The following WDR17 variants were observed in gnomAD, a reference collection of about 807,000 sequenced individuals.
The protein encoded by WDR17 is WD repeat domain 17.
A neutral mutation model predicts 161.7 loss-of-function variants in WDR17; 143 were observed. That is an observed-to-expected ratio of 0.88 (90% CI 0.77 to 1.02). The LOEUF (loss-of-function observed/expected upper bound fraction) is 1.02, where lower values mean the gene tolerates loss of function less well. Among genes scored for constraint, WDR17 ranks in the 50% least tolerant of loss-of-function variants. The pLI, the probability that WDR17 is intolerant of heterozygous loss-of-function variation, is 0.00. For missense variants in WDR17, 1,469 were observed against 1,520.9 expected (o/e 0.97, Z 0.57); for synonymous variants, 517 against 515.6 (o/e 1.00, Z -0.04).
intron 1 of WDR17, among the ~76,000 whole-genome samples, chr4:176,078,828 TC>T (rs1267584157): frequency 3.9e-5 from 6 of 152,060 alleles, no homozygotes; most frequent in Admixed American, 1.3e-4. Context: ...AGTAATCAAA[TC>T]AGGATAGTAT....
intron 22 of WDR17, chr4:176,166,261 T>G (rs1289546491): frequency 3.0e-6 from 1 of 330,602 alleles, no homozygotes; most frequent in Admixed American, 5.3e-5. Flanking sequence ...TCACATTATT[T>G]TATGGTATGC....
At chr4:176,151,197 C>T (rs1466750659) in intron 16 of WDR17, among the ~76,000 whole-genome samples, 1 of 152,184 alleles carries the variant, frequency 6.6e-6, no homozygotes, top group Non-Finnish European at 1.5e-5. Context: ...AACTAAACAC[C>T]TAATGACTGT....
intron 1 of WDR17, among the ~76,000 whole-genome samples, chr4:176,087,722 T>A (rs1735594322): frequency 6.6e-6 from 1 of 152,208 alleles, no homozygotes; most frequent in African/African-American, 2.4e-5. Flanking sequence ...TTATTTATGT[T>A]CCACTGAACT....
At chr4:176,073,919 G>T (rs1421110660) in intron 1 of WDR17, among the ~76,000 whole-genome samples, 13 of 150,420 alleles carry the variant, frequency 8.6e-5, no homozygotes, top group Admixed American at 4.6e-4. Flanking sequence ...AGAAATGTCT[G>T]TTCATATCCT....
At chr4:176,116,032 A>G (rs937454266) in intron 3 of WDR17, 53 bp downstream of exon 3, 1 of 1,495,706 alleles carries the variant, frequency 6.7e-7, no homozygotes, top group Middle Eastern at 2.3e-4. Flanking sequence ...TTATTTCAAC[A>G]AGCACTATCA....
intron 13 of WDR17, among the ~76,000 whole-genome samples, chr4:176,148,549 G>C (rs985159481): frequency 9.2e-5 from 14 of 152,172 alleles, no homozygotes; most frequent in African/African-American, 3.4e-4. Flanking sequence ...ACTATTGTTA[G>C]CACTGTGTTG....
intron 23 of WDR17, 24 bp from the exon 24 acceptor site, chr4:176,172,351 G>T (rs1470799420): frequency 1.3e-6 from 2 of 1,594,592 alleles, no homozygotes; most frequent in Admixed American, 1.8e-5. Flanking sequence ...TAGTAACATT[G>T]TTTTCAAATC....
chr4:176,128,214 G>A (rs1195652010), intron 5 of WDR17, among the ~76,000 whole-genome samples: 4 of 152,152 alleles, frequency 2.6e-5, no homozygotes, highest in Admixed American at 6.5e-5. Flanking sequence ...ATATTTAATC[G>A]TTTGTGTAAC....
chr4:176,152,379 G>A (rs1747309900), intron 17 of WDR17, among the ~76,000 whole-genome samples: 1 of 150,076 alleles, frequency 6.7e-6, no homozygotes, highest in Non-Finnish European at 1.5e-5. Flanking sequence ...GGTGGATCAC[G>A]AGGTCAGGAG....
chr4:176,157,036 A>G (rs1748254381), intron 18 of WDR17, among the ~76,000 whole-genome samples: 1 of 152,172 alleles, frequency 6.6e-6, no homozygotes, highest in Admixed American at 6.5e-5. Context: ...ACATCGGCTA[A>G]GACCCTATTT....
intron 6 of WDR17, 46 bp from the exon 7 acceptor site, chr4:176,131,508 G>T: frequency 6.7e-7 from 1 of 1,499,310 alleles, no homozygotes. Flanking sequence ...TCTAAATTAA[G>T]CTCTGTGGTT....
chr4:176,077,085 A>T (rs558125085), intron 1 of WDR17, among the ~76,000 whole-genome samples: 12 of 151,866 alleles, frequency 7.9e-5, no homozygotes, highest in African/African-American at 2.7e-4. Context: ...GCTTCCACCT[A>T]TAATATATTG....
At chr4:176,145,227 C>T (rs1003660343) in intron 11 of WDR17, among the ~76,000 whole-genome samples, 6 of 150,938 alleles carry the variant, frequency 4.0e-5, no homozygotes, top group South Asian at 2.1e-4. Context: ...CTGGCAGGTC[C>T]GTGATTTCCA....
chr4:176,135,099 T>C lies in WDR17; in HGVS notation c.1099-9T>C, dbSNP rs1189968184. ...CAATAATTATGACTTTTTTATGCCA[T>C]ATTCCTAGGGACATGTGGAAACTAT... On this transcript the variant is annotated splice_polypyrimidine_tract_variant and intron_variant, in intron 7 of 28. Coordinates refer to ENST00000508596, the MANE Select transcript of WDR17 (RefSeq NM_181265.4). 17 of 1,610,692 alleles carry C rather than the reference T, an allele frequency of 1.1e-5. No individual in the cohort carries two copies. Among genetic ancestry groups the C allele is most frequent in the African/African-American group, 1.3e-5 (1 of 74,796 alleles).
rs1457492658 is a variant in WDR17, at chr4:176,137,717, GGTAT to G, written c.1359+109_1359+112del. On this transcript the variant is annotated intron_variant, in intron 9 of 28. Coordinates refer to ENST00000508596, the MANE Select transcript of WDR17 (RefSeq NM_181265.4). ...ATATAATATCACTTAATAATCAGGTGGTATGTGTGTTCTCTCAATTAGAAGAAAA... is the reference window on the plus strand; with the variant it reads ...ATATAATATCACTTAATAATCAGGTGGTGTGTTCTCTCAATTAGAAGAAAA... 16 of 588,936 alleles carry G rather than the reference GGTAT, an allele frequency of 2.7e-5. No homozygotes were observed. In the South Asian group the frequency reaches 2.9e-4, roughly 11 times the overall value. 36.5% of individuals were successfully genotyped at this position (588,936 alleles called of 1,614,324 possible). A position where few individuals can be genotyped will look rare whatever the true frequency, so the allele number is the denominator to read the frequency against.
At chr4:176,073,050 C>T (rs1733444747) in intron 1 of WDR17, among the ~76,000 whole-genome samples, 1 of 152,108 alleles carries the variant, frequency 6.6e-6, no homozygotes, top group South Asian at 2.1e-4. Context: ...CTTCAAATGT[C>T]TGCTCAGTAT....
chr4:176,084,779 T>TAG (rs1279997459), intron 1 of WDR17, among the ~76,000 whole-genome samples: 2 of 147,210 alleles, frequency 1.4e-5, no homozygotes, highest in African/African-American at 4.9e-5. Context: ...ATATTATATA[T>TAG]ATATATAAAA....
At chr4:176,172,240 A>G (rs1750837371) in intron 23 of WDR17, 135 bp from the exon 24 acceptor site, 1 of 756,082 alleles carries the variant, frequency 1.3e-6, no homozygotes, top group Non-Finnish European at 2.1e-6. Flanking sequence ...AATTCAAATA[A>G]TTTCATTTAC....
chr4:176,135,243 G>T lies in WDR17; in HGVS notation c.1234G>T (p.Glu412Ter). Residue 412 changes from glutamate (E) to a stop codon, truncating the protein, a stop_gained, in exon 8 of 29, where the codon GAA (glutamate) becomes TAA (stop). Transcript: ENST00000508596. LOFTEE classifies it high-confidence loss of function. ...LTAVYTSPGN[E>*]GVIYSLSWAP... ...AGCAGTGTACACATCCCCGGGTAAT[G>T]AAGGTGTTATTTATTCCCTTTCTTG... 6.2e-7 allele frequency: 1 copy of T among 1,612,162 alleles called. No homozygotes were observed. Among genetic ancestry groups the T allele is most frequent in the Non-Finnish European group, 8.5e-7 (1 of 1,178,518 alleles).
Sources: gnomAD v4.1 joint callset for allele counts (sites outside exome capture counted in the v4.1 genomes callset) on GRCh38, gnomAD v4.1.1 for gene constraint, MANE v1.5 for transcripts, NCBI Gene and HGNC (gene_info 2026-07-23, HGNC 2026-07-21) for gene names.